Variants in GNS observed in about 807,000 individuals in gnomAD.
GNS encodes glucosamine (N-acetyl)-6-sulfatase.
A neutral mutation model predicts 69.7 loss-of-function variants in GNS; 40 were observed. That is an observed-to-expected ratio of 0.57 (90% CI 0.45 to 0.75). The LOEUF is 0.75. GNS is among the 30% of genes least tolerant of loss of function. The pLI is 0.00. For synonymous variants in GNS, 243 were observed against 251.6 expected (o/e 0.97, Z 0.32); for missense variants, 565 against 685.5 (o/e 0.82, Z 1.96).
intron 10 of GNS, among the ~76,000 whole-genome samples, chr12:64,724,067 T>C (rs1177506861): frequency 6.6e-6 from 1 of 152,222 alleles, no homozygotes; most frequent in Non-Finnish European, 1.5e-5. Context: ...GGTTAGAAGC[T>C]GCTCTTAAAA....
At chr12:64,742,713 T>C (rs990443981) in intron 6 of GNS, among the ~76,000 whole-genome samples, 2 of 152,210 alleles carry the variant, frequency 1.3e-5, no homozygotes, top group Non-Finnish European at 2.9e-5. Context: ...TTCTTAATCA[T>C]GTCACCTCGT....
At chr12:64,717,843 C>G (rs1392539437) in intron 13 of GNS, among the ~76,000 whole-genome samples, 1 of 152,174 alleles carries the variant, frequency 6.6e-6, no homozygotes, top group Non-Finnish European at 1.5e-5. Flanking sequence ...CTGATGGCAA[C>G]TGGGCCTGGC....
chr12:64,730,432 G>C (rs1184131833), intron 9 of GNS, among the ~76,000 whole-genome samples: 2 of 71,780 alleles, frequency 2.8e-5, no homozygotes, highest in African/African-American at 9.4e-5. Context: ...AGATATGAAA[G>C]GCAAAAAAAA....
chr12:64,719,783 C>A (rs192168977), intron 13 of GNS, among the ~76,000 whole-genome samples: 1 of 152,116 alleles, frequency 6.6e-6, no homozygotes, highest in East Asian at 1.9e-4. Context: ...ATAACAAGAG[C>A]CCCATGTTTG....
intron 2 of GNS, among the ~76,000 whole-genome samples, chr12:64,752,275 T>A (rs942820294): frequency 1.3e-5 from 2 of 152,324 alleles, no homozygotes; most frequent in Middle Eastern, 3.4e-3. Context: ...CTTGGTTATG[T>A]ACATGGTTCT....
chr12:64,759,076 A>C lies in GNS; in HGVS notation c.192+9T>G, dbSNP rs1433251949. On this transcript the variant is annotated intron_variant, in intron 1 of 13. Transcript: ENST00000258145. The stretch of plus-strand genomic sequence containing the variant: ...AGATAGAGGGGCGGGGCAGAAACAG[A>C]AGAGTTACCATGCCGCCGAGCACTT... 4 of 1,555,692 alleles carry C rather than the reference A, an allele frequency of 2.6e-6. No individual in the cohort carries two copies. In the East Asian group the frequency reaches 9.5e-5, roughly 37 times the overall value.
intron 6 of GNS, among the ~76,000 whole-genome samples, chr12:64,742,097 G>A (rs747889300): frequency 2.0e-5 from 3 of 151,716 alleles, no homozygotes; most frequent in Admixed American, 6.6e-5. Flanking sequence ...CTCGGCTCAC[G>A]GCAAGCTCCG....
At chr12:64,758,999 G>A in intron 1 of GNS, 86 bp downstream of exon 1, 1 of 1,124,522 alleles carries the variant, frequency 8.9e-7, no homozygotes, top group Non-Finnish European at 1.3e-6. Context: ...GTTCGGGGAG[G>A]AGGGTGGTGG....
intron 11 of GNS, among the ~76,000 whole-genome samples, chr12:64,721,989 G>C (rs1353649039): frequency 6.6e-6 from 1 of 151,444 alleles, no homozygotes; most frequent in East Asian, 1.9e-4. Context: ...AAAATGTATG[G>C]GTTGGCAAGG....
In GNS at chr12:64,744,719, C is replaced by T. The variant is rs762457274; in HGVS notation, c.624+90G>A. On this transcript the variant is annotated intron_variant, in intron 5 of 13. Coordinates refer to ENST00000258145, the MANE Select transcript of GNS (RefSeq NM_002076.4). ...GTGCATTTATATTACCCAACACAAA[C>T]GAATAAGATTATAGGTTTTCTAGGC... 5.2e-5 allele frequency: 40 copies of T among 765,514 alleles called. 1 individual carries two copies. In the Middle Eastern group the frequency reaches 9.0e-4, roughly 17 times the overall value. 47.4% of individuals were successfully genotyped at this position (765,514 alleles called of 1,614,324 possible).
At chr12:64,733,211 T>C (rs1869459403) in intron 9 of GNS, among the ~76,000 whole-genome samples, 1 of 138,828 alleles carries the variant, frequency 7.2e-6, no homozygotes, top group African/African-American at 2.8e-5. Context: ...GGTAGGAGAA[T>C]CACCTGAGCC....
chr12:64,731,155 T>G (rs1340752629), intron 9 of GNS, among the ~76,000 whole-genome samples: 1 of 152,206 alleles, frequency 6.6e-6, no homozygotes, highest in African/African-American at 2.4e-5. Flanking sequence ...CAGCTCACTG[T>G]GGCCTTGACC....
At chr12:64,744,152 C>T (rs1207362445) in intron 5 of GNS, among the ~76,000 whole-genome samples, 1 of 152,196 alleles carries the variant, frequency 6.6e-6, no homozygotes, top group Non-Finnish European at 1.5e-5. Flanking sequence ...TAAGTAACCT[C>T]ATACCCTAAC....
At chr12:64,739,288 T>TA (rs1451889500) in intron 8 of GNS, 93 bp downstream of exon 8, 29 of 810,560 alleles carry the variant, frequency 3.6e-5, no homozygotes, top group Admixed American at 3.6e-4. Flanking sequence ...TCCACAGTTA[T>TA]AAAAAGACTA....
chr12:64,723,944 A>G (rs893989053), intron 10 of GNS, among the ~76,000 whole-genome samples: 1 of 152,222 alleles, frequency 6.6e-6, no homozygotes, highest in African/African-American at 2.4e-5. Flanking sequence ...GTTTTTGAGC[A>G]GGGAGGTAAC....
intron 2 of GNS, among the ~76,000 whole-genome samples, chr12:64,751,559 C>T (rs1870078414): frequency 6.6e-6 from 1 of 152,138 alleles, no homozygotes; most frequent in Non-Finnish European, 1.5e-5. Flanking sequence ...TAGCTTATTA[C>T]CAGGAAAGAA....
Position 64,747,823 on chromosome 12 carries a change from C to T in GNS, c.348G>A (p.Gly116=), listed in dbSNP as rs1246650646. 3 of 1,605,950 alleles carry T rather than the reference C, an allele frequency of 1.9e-6. No individual in the cohort carries two copies. Among genetic ancestry groups the T allele is most frequent in the Admixed American group, 1.7e-5 (1 of 60,004 alleles). ...NHHVVNNTLE[G]NCSSKSWQKI... ...TCTGCCAGGACTTACTACTGCAGTT[C>T]CCCTCCAGAGTGTTGTTCACAACGT... is the stretch of plus-strand genomic sequence containing the variant. Residue 116 remains glycine (G), a synonymous_variant, in exon 3 of 14, where the codon GGG becomes GGA. Coordinates refer to ENST00000258145, the MANE Select transcript of GNS (RefSeq NM_002076.4).
intron 9 of GNS, among the ~76,000 whole-genome samples, chr12:64,736,478 G>T (rs1288720991): frequency 1.3e-5 from 2 of 152,220 alleles, no homozygotes; most frequent in Non-Finnish European, 2.9e-5. Context: ...AGCAGAATCT[G>T]CATTTTAACC....
intron 9 of GNS, among the ~76,000 whole-genome samples, chr12:64,735,985 TTAAAC>T (rs1592500134): frequency 1.3e-5 from 2 of 152,310 alleles, no homozygotes; most frequent in South Asian, 4.1e-4. Flanking sequence ...AGCTCCAAAA[TTAAAC>T]TAAAGTACCC....
Sources: gnomAD v4.1 joint callset for allele counts (sites outside exome capture counted in the v4.1 genomes callset) on GRCh38, gnomAD v4.1.1 for gene constraint, MANE v1.5 for transcripts, NCBI Gene and HGNC (gene_info 2026-07-23, HGNC 2026-07-21) for gene names.